Variants in CDNF observed in about 807,000 individuals in gnomAD.
CDNF encodes ARMET-like protein 1.
Under a neutral mutation model 14.8 loss-of-function variants are expected in CDNF, and 9 were observed. The observed-to-expected ratio is 0.61, with a 90% CI of 0.37 to 1.06. The LOEUF (loss-of-function observed/expected upper bound fraction) is 1.06. CDNF is among the 50% of genes least tolerant of loss of function. CDNF has a pLI of 0.01. For synonymous variants in CDNF, 86 were observed against 87.2 expected, an observed-to-expected ratio of 0.99 and a Z score of 0.07; for missense variants, 228 against 228.4, an observed-to-expected ratio of 1.00 and a Z score of 0.01.
rs549698633 is a variant in CDNF, at chr10:14,837,736, T to G, written c.115+96A>C. 5 of 673,758 alleles carry G rather than the reference T, an allele frequency of 7.4e-6. No individual in the cohort carries two copies. In the Admixed American group the frequency reaches 1.4e-4, roughly 19 times the overall value. 41.7% of individuals were successfully genotyped at this position (673,758 alleles called of 1,614,324 possible). ...CAGGGCCTGCATTTCCTGGGCGGAA[T>G]GTTATTTATAGCCAGGGCCAGGAGA... is the stretch of plus-strand genomic sequence containing the variant. On this transcript the variant is annotated intron_variant, in intron 1 of 3. Coordinates refer to ENST00000465530, the MANE Select transcript of CDNF (RefSeq NM_001029954.3).
At chr10:14,832,737 C>A (rs192647068) in intron 1 of CDNF, among the ~76,000 whole-genome samples, 3 of 151,964 alleles carry the variant, frequency 2.0e-5, no homozygotes, top group Admixed American at 2.0e-4. Flanking sequence ...CAAAGATAAT[C>A]CCAATAATTT....
intron 2 of CDNF, among the ~76,000 whole-genome samples, chr10:14,826,080 AAGAAGAAGAAGAAGAAGC>A (rs1423366122): frequency 1.4e-3 from 196 of 141,600 alleles, no homozygotes; most frequent in Middle Eastern, 3.7e-3. Context: ...GAAGAAGAAG[AAGAAGAAGAAGAAGAAGC>A]AGCAGCAGCA....
At chr10:14,835,760 A>G (rs1312530446) in intron 1 of CDNF, among the ~76,000 whole-genome samples, 2 of 152,232 alleles carry the variant, frequency 1.3e-5, no homozygotes, top group Non-Finnish European at 2.9e-5. Context: ...TAAACCTCAC[A>G]TTACCTAATA....
rs147750917 is a variant in CDNF, at chr10:14,830,841, C to A, written c.116-2569G>T. ...AGTCTGGGCGACAAGAGTGAAACTC[C>A]GTCTCAAAAAACAAAACAAGACAAA... On this transcript the variant is annotated intron_variant, in intron 1 of 3. Coordinates refer to ENST00000465530, the MANE Select transcript of CDNF (RefSeq NM_001029954.3). Among the ~76,000 whole-genome samples the A allele has an allele frequency of 4.6e-5, 7 of 152,076 alleles. No individual in the cohort carries two copies. In the East Asian group the frequency reaches 1.4e-3, roughly 29 times the overall value.
At chr10:14,826,067 GA>G (rs1833781797) in intron 2 of CDNF, among the ~76,000 whole-genome samples, 1 of 139,946 alleles carries the variant, frequency 7.1e-6, no homozygotes, top group Non-Finnish European at 1.5e-5. Context: ...AGAAGAAGAA[GA>G]AGAAGAAGAA....
At chr10:14,821,278 T>A (rs1833735964) in intron 3 of CDNF, among the ~76,000 whole-genome samples, 1 of 152,004 alleles carries the variant, frequency 6.6e-6, no homozygotes, top group Non-Finnish European at 1.5e-5. Flanking sequence ...GCACCCACCA[T>A]CATGCCCGGC....
intron 1 of CDNF, among the ~76,000 whole-genome samples, chr10:14,835,781 C>G (rs1264383665): frequency 2.0e-5 from 3 of 152,152 alleles, no homozygotes; most frequent in Non-Finnish European, 4.4e-5. Flanking sequence ...ATAGGACTCA[C>G]AGACTTGAAT....
At chr10:14,835,759 C>T (rs546786086) in intron 1 of CDNF, among the ~76,000 whole-genome samples, 98 of 152,270 alleles carry the variant, frequency 6.4e-4, no homozygotes, top group African/African-American at 2.2e-3. Flanking sequence ...GTAAACCTCA[C>T]ATTACCTAAT....
rs140305471 is a variant in CDNF, at chr10:14,820,567, A to C, written c.386-409T>G. On this transcript the variant is annotated intron_variant, in intron 3 of 3. Transcript: ENST00000465530. ...CATGGTGAAACCACACCTCTACTAA[A>C]AAAAGAAACAAAAAATTAGCCGGGC... is the stretch of plus-strand genomic sequence containing the variant. 3.3e-5 allele frequency among the ~76,000 whole-genome samples: 5 copies of C among 152,148 alleles called. No individual in the cohort carries two copies. The East Asian group carries it at 9.7e-4, about 29-fold the overall frequency.
At position 14,827,704 on chromosome 10, in the gene CDNF, C is replaced by A. The variant is rs190352602; in HGVS notation, c.243+441G>T. Among the ~76,000 whole-genome samples the A allele has an allele frequency of 1.4e-3, 211 of 152,090 alleles. 2 individuals carry two copies. Among genetic ancestry groups the A allele is most frequent in the Admixed American group, 3.9e-3 (59 of 15,288 alleles). On this transcript the variant is annotated intron_variant, in intron 2 of 3. Transcript: ENST00000465530. ...GGTCAGGAGTTCAAGACCACCCTGG[C>A]CAACATGGTGAATCCCTGTCTCTAC...
intron 3 of CDNF, among the ~76,000 whole-genome samples, chr10:14,824,872 CTCTCTA>C (rs1833766260): frequency 1.3e-5 from 2 of 152,212 alleles, no homozygotes; most frequent in African/African-American, 4.8e-5. Flanking sequence ...AGTAGCTGCT[CTCTCTA>C]TATGTTGAGA....
Position 14,832,613 on chromosome 10 carries a change from G to A in CDNF, c.116-4341C>T, listed in dbSNP as rs539067528. On this transcript the variant is annotated intron_variant, in intron 1 of 3. Transcript: ENST00000465530. ...TTGCATCTCTTAGACCAGGGCAGTA[G>A]CTACAGCAGTCATGAGAAGTGGTTA... Among the ~76,000 whole-genome samples the A allele has an allele frequency of 2.6e-5, 4 of 152,328 alleles. No individual in the cohort carries two copies. The South Asian group carries it at 8.3e-4, about 32-fold the overall frequency.
intron 1 of CDNF, among the ~76,000 whole-genome samples, chr10:14,837,458 A>G (rs1361778055): frequency 6.6e-6 from 1 of 152,186 alleles, no homozygotes; most frequent in African/African-American, 2.4e-5. Context: ...GTCACCAACT[A>G]GCTTGGACTT....
intron 3 of CDNF, among the ~76,000 whole-genome samples, chr10:14,822,975 A>G (rs903159400): frequency 6.6e-6 from 1 of 152,200 alleles, no homozygotes; most frequent in African/African-American, 2.4e-5. Flanking sequence ...CACCTTCCTA[A>G]TTGAAAACAT....
intron 1 of CDNF, among the ~76,000 whole-genome samples, chr10:14,829,841 G>A (rs1038632509): frequency 1.3e-5 from 2 of 152,100 alleles, no homozygotes; most frequent in African/African-American, 2.4e-5. Context: ...TGTTGGCCAG[G>A]CTGGTCTCAA....
rs1355061229 is a variant in CDNF at position 14,820,086 on chromosome 10, C to A, written c.458G>T (p.Ser153Ile). The change falls in exon 4 of 4, where the codon AGC becomes ATC. Residue 153 changes from serine (S) to isoleucine (I), a missense_variant. By Grantham distance (142) the Ser-to-Ile change is moderately radical. Coordinates refer to ENST00000465530, the MANE Select transcript of CDNF (RefSeq NM_001029954.3). Reference sequence around the variant, plus strand: ...ACAGGCCCTGCACTCCTCCCCCCAGCTATGCAGGATCTGCTTCAGCTCTGC... The same window carrying A: ...ACAGGCCCTGCACTCCTCCCCCCAGATATGCAGGATCTGCTTCAGCTCTGC... ...RVAELKQILH[S>I]WGEECRACAE... The A allele has an allele frequency of 6.2e-7, 1 of 1,614,046 alleles. No homozygotes were observed. The highest frequency in any genetic ancestry group is 1.7e-5 in the Admixed American group (1 of 60,000).
intron 3 of CDNF, among the ~76,000 whole-genome samples, chr10:14,823,459 T>G (rs886861678): frequency 6.6e-6 from 1 of 152,246 alleles, no homozygotes; most frequent in Non-Finnish European, 1.5e-5. Context: ...GGAGAAGGTA[T>G]TCACAACAAA....
intron 1 of CDNF, among the ~76,000 whole-genome samples, chr10:14,830,848 A>C (rs934410126): frequency 2.6e-4 from 39 of 152,204 alleles, no homozygotes; most frequent in Admixed American, 2.6e-3. Flanking sequence ...CTCCGTCTCA[A>C]AAAACAAAAC....
intron 2 of CDNF, among the ~76,000 whole-genome samples, chr10:14,826,099 AGCAGCAGCAGCAGC>A (rs1564313460): frequency 1.6e-4 from 17 of 107,844 alleles, no homozygotes; most frequent in South Asian, 3.6e-4. Context: ...AAGAAGAAGC[AGCAGCAGCAGCAGC>A]AGCAGCAGCA....
Sources: gnomAD v4.1 joint callset for allele counts (sites outside exome capture counted in the v4.1 genomes callset) on GRCh38, gnomAD v4.1.1 for gene constraint, MANE v1.5 for transcripts, NCBI Gene and HGNC (gene_info 2026-07-23, HGNC 2026-07-21) for gene names.